The following EPC1 variants were observed in gnomAD, a reference collection of about 807,000 sequenced individuals.
The protein encoded by EPC1 is enhancer of polycomb homolog 1.
In EPC1, 12 loss-of-function variants were observed where a neutral mutation model predicts 98.4. The ratio of observed to expected loss-of-function variants is 0.12; its 90% CI spans 0.08 to 0.20. EPC1 has a LOEUF of 0.20. Among genes scored for constraint, EPC1 ranks in the 10% least tolerant of loss-of-function variants. The pLI is 1.00. For synonymous variants in EPC1, 357 were observed against 363.9 expected (o/e 0.98, Z 0.21); for missense variants, 729 against 990.5 (o/e 0.74, Z 3.54).
chr10:32,325,912 T>C (rs767252600), intron 1 of EPC1, among the ~76,000 whole-genome samples: 19 of 152,220 alleles, frequency 1.2e-4, no homozygotes, highest in Non-Finnish European at 2.5e-4. Flanking sequence ...AACTACAGTA[T>C]GCCTTCCAGT....
chr10:32,322,870 C>T lies in EPC1; in HGVS notation c.154-16939G>A, dbSNP rs573580918. On this transcript the variant is annotated intron_variant, in intron 1 of 13. Coordinates refer to ENST00000319778, the MANE Select transcript of EPC1 (RefSeq NM_001272004.3). ...GGAGGGATAAAGAAGGGATGATTAA[C>T]GGGTACAAAAACACAGTTAGATGGA... Among the ~76,000 whole-genome samples, 6 of 151,944 alleles carry T rather than the reference C, an allele frequency of 3.9e-5. 1 individual carries two copies. In the South Asian group the frequency reaches 1.2e-3, roughly 32 times the overall value.
chr10:32,309,199 G>A (rs548101114), intron 1 of EPC1, among the ~76,000 whole-genome samples: 153 of 152,044 alleles, frequency 1.0e-3, no homozygotes, highest in Admixed American at 2.5e-3. Flanking sequence ...AATAAGATTT[G>A]AACAGTATTT....
intron 10 of EPC1, among the ~76,000 whole-genome samples, chr10:32,274,667 T>G (rs1835992741): frequency 6.6e-6 from 1 of 152,168 alleles, no homozygotes; most frequent in Non-Finnish European, 1.5e-5. Context: ...TATCTTCCCT[T>G]TGATGAGCTC....
intron 1 of EPC1, among the ~76,000 whole-genome samples, chr10:32,377,915 A>G (rs1839902371): frequency 6.6e-6 from 1 of 152,250 alleles, no homozygotes; most frequent in South Asian, 2.1e-4. Flanking sequence ...AAGAGCTTCA[A>G]AGAAATAATA....
intron 10 of EPC1, among the ~76,000 whole-genome samples, chr10:32,277,447 G>C (rs1193135659): frequency 6.6e-6 from 1 of 152,180 alleles, no homozygotes; most frequent in Non-Finnish European, 1.5e-5. Flanking sequence ...TTCTAACCAA[G>C]ATCCTCAAAC....
intron 2 of EPC1, among the ~76,000 whole-genome samples, chr10:32,297,537 T>C (rs968900796): frequency 2.0e-5 from 3 of 152,100 alleles, no homozygotes; most frequent in African/African-American, 4.8e-5. Flanking sequence ...TCTGCCCGCC[T>C]TGGCCTCCCA....
At chr10:32,288,943 G>A (rs1054311713) in intron 6 of EPC1, among the ~76,000 whole-genome samples, 10 of 151,970 alleles carry the variant, frequency 6.6e-5, no homozygotes, top group Non-Finnish European at 1.3e-4. Context: ...CAAAAAATTA[G>A]CCAGGCGTGG....
chr10:32,348,709 T>C (rs1477941120), upstream of EPC1, among the ~76,000 whole-genome samples: 1 of 152,194 alleles, frequency 6.6e-6, no homozygotes, highest in Non-Finnish European at 1.5e-5. Context: ...TGAGCCCTCA[T>C]AGCCTTCCAA....
chr10:32,276,918 T>C (rs1020039293), intron 10 of EPC1, among the ~76,000 whole-genome samples: 1 of 152,210 alleles, frequency 6.6e-6, no homozygotes, highest in Non-Finnish European at 1.5e-5. Context: ...TGTTGACAGA[T>C]GACCAAACCT....
intron 1 of EPC1, among the ~76,000 whole-genome samples, chr10:32,338,030 C>CA (rs1451610551): frequency 6.6e-6 from 1 of 152,216 alleles, no homozygotes; most frequent in Non-Finnish European, 1.5e-5. Context: ...TGAAGACTCT[C>CA]AGATTTATAG....
chr10:32,300,730 C>T (rs73245679), intron 2 of EPC1, among the ~76,000 whole-genome samples: 8,108 of 152,022 alleles, frequency 0.053, 682 homozygotes, highest in African/African-American at 0.18. Context: ...CACCGCGTCC[C>T]GCCGATTTTT....
intron 2 of EPC1, 33 bp from the exon 3 acceptor site, chr10:32,293,770 G>A (rs564143186): frequency 1.9e-6 from 3 of 1,570,720 alleles, no homozygotes; most frequent in Non-Finnish European, 8.7e-7. Flanking sequence ...ATCATTTACT[G>A]TGTGAATTCA....
chr10:32,299,084 C>T (rs1408461885), intron 2 of EPC1, among the ~76,000 whole-genome samples: 2 of 152,222 alleles, frequency 1.3e-5, no homozygotes, highest in Non-Finnish European at 2.9e-5. Flanking sequence ...ATCATACGCA[C>T]ATGTGCTCGT....
In EPC1 at chr10:32,364,873, A is replaced by G. The variant is rs953215606; in HGVS notation, c.3+13618T>C. 2.6e-5 allele frequency among the ~76,000 whole-genome samples: 4 copies of G among 151,512 alleles called. No individual in the cohort carries two copies. In the Admixed American group the frequency reaches 2.6e-4, roughly 10 times the overall value. On this transcript the variant is annotated intron_variant, in intron 1 of 13. Coordinates refer to the EPC1 transcript ENST00000375110. Reference sequence around the variant, plus strand: ...GAATGCAGCCCAGCACAAATTCATAAGCTTTCTTAAAATATTACGAGAATT... The same window carrying G: ...GAATGCAGCCCAGCACAAATTCATAGGCTTTCTTAAAATATTACGAGAATT...
intron 2 of EPC1, among the ~76,000 whole-genome samples, chr10:32,297,281 T>G (rs965661970): frequency 9.3e-6 from 1 of 107,936 alleles, no homozygotes; most frequent in African/African-American, 3.0e-5. Context: ...GGTTAATAAT[T>G]CTTTTTTTTT....
rs774241671 is a variant in EPC1, at chr10:32,285,049, C to T, written c.1393G>A (p.Val465Ile). The change falls in exon 10 of 14, where the codon GTC (valine) becomes ATC (isoleucine). Residue 465 changes from valine to isoleucine, a missense_variant and splice_region_variant. This residue lies in a region of EPC1 where 390 missense variants were observed against 438.6 expected (regional missense o/e 0.89). Transcript: ENST00000319778. Reference sequence around the variant, plus strand: ...TCTGAATGAGCTCTGTCCAGTAAGACCCTATTAAAAAATCAGACAAGAAAC... The same window carrying T: ...TCTGAATGAGCTCTGTCCAGTAAGATCCTATTAAAAAATCAGACAAGAAAC... ...ARRRVGRGGR[V>I]LLDRAHSDYD... The T allele has an allele frequency of 9.4e-6, 15 of 1,599,530 alleles. 1 individual carries two copies. The South Asian group carries it at 1.5e-4, about 16-fold the overall frequency.
At chr10:32,276,739 AACC>A (rs1390960097) in intron 10 of EPC1, among the ~76,000 whole-genome samples, 1 of 152,226 alleles carries the variant, frequency 6.6e-6, no homozygotes, top group African/African-American at 2.4e-5. Context: ...CTGAAAGTCT[AACC>A]AAATGCTAAA....
intron 2 of EPC1, among the ~76,000 whole-genome samples, chr10:32,299,844 CCT>C (rs748429625): frequency 7.9e-5 from 12 of 152,112 alleles, no homozygotes; most frequent in Admixed American, 5.2e-4. Context: ...ATCAAAATTT[CCT>C]CTCTTATTGA....
At chr10:32,347,218 C>T (rs1838906533), upstream of EPC1, 1 of 1,219,912 alleles carries the variant, frequency 8.2e-7, no homozygotes, top group Non-Finnish European at 1.0e-6. Context: ...CGCGGGCACG[C>T]GGGCGGGGGG....
Sources: gnomAD v4.1 joint callset for allele counts (sites outside exome capture counted in the v4.1 genomes callset) on GRCh38, gnomAD v4.1.1 for gene constraint, gnomAD v4.1.1 regional missense constraint, MANE v1.5 for transcripts, NCBI Gene and HGNC (gene_info 2026-07-23, HGNC 2026-07-21) for gene names.